Variants in BCAS4 observed in about 807,000 individuals in gnomAD.
BCAS4 encodes the protein breast carcinoma-amplified sequence 4.
In BCAS4, 9 loss-of-function variants were observed where a neutral mutation model predicts 15.7. The observed-to-expected ratio is 0.57, with a 90% CI of 0.34 to 1.00. The LOEUF (loss-of-function observed/expected upper bound fraction) is 1.00, where lower values mean the gene tolerates loss of function less well. Ranked by LOEUF, BCAS4 falls within the 50% of genes least tolerant of loss-of-function variation. The probability of loss-of-function intolerance (pLI) is 0.02; values close to 1 mark genes in which losing one functional copy is unlikely to be tolerated. For synonymous variants in BCAS4, 101 were observed against 99.5 expected, an observed-to-expected ratio of 1.02 and a Z score of -0.09; for missense variants, 225 against 239.1, an observed-to-expected ratio of 0.94 and a Z score of 0.39.
chr20:50,833,593 G>C (rs2088370674), intron 3 of BCAS4, among the ~76,000 whole-genome samples: 1 of 152,220 alleles, frequency 6.6e-6, no homozygotes, highest in South Asian at 2.1e-4. Flanking sequence ...TCAAAGCGCT[G>C]ATCTAGAGCT....
At chr20:50,813,817 A>G (rs2088102828) in intron 1 of BCAS4, among the ~76,000 whole-genome samples, 2 of 149,860 alleles carry the variant, frequency 1.3e-5, no homozygotes, top group African/African-American at 2.5e-5. Flanking sequence ...AGTGAAAACC[A>G]TGATTCGCAG....
At chr20:50,852,228 A>G (rs1188359155) in intron 4 of BCAS4, among the ~76,000 whole-genome samples, 3 of 152,122 alleles carry the variant, frequency 2.0e-5, no homozygotes, top group African/African-American at 7.2e-5. Context: ...CTGAAATTCA[A>G]ACACTCACTG....
At chr20:50,844,932 A>G (rs1009629765) in intron 4 of BCAS4, among the ~76,000 whole-genome samples, 2 of 152,068 alleles carry the variant, frequency 1.3e-5, no homozygotes, top group Non-Finnish European at 2.9e-5. Context: ...TGGCCCCACA[A>G]GGGCTTTGTC....
rs567658959 is a variant in BCAS4, at chr20:50,841,077, G to A, written c.265-689G>A. On this transcript the variant is annotated intron_variant, in intron 3 of 4. Coordinates refer to ENST00000371608, the MANE Select transcript of BCAS4 (RefSeq NM_198799.4). Reference sequence around the variant, plus strand: ...ACTCCTGACCTCAGGTGATCTACCCGCCTCAGCCTCCCAAAGTGCTGGGAT... The same window carrying A: ...ACTCCTGACCTCAGGTGATCTACCCACCTCAGCCTCCCAAAGTGCTGGGAT... 13 of 330,336 alleles carry A rather than the reference G, an allele frequency of 3.9e-5. No individual in the cohort carries two copies. In the East Asian group the frequency reaches 1.0e-3, roughly 26 times the overall value. 20.5% of individuals were successfully genotyped at this position (330,336 alleles called of 1,614,324 possible).
intron 1 of BCAS4, among the ~76,000 whole-genome samples, chr20:50,807,880 A>G (rs1251957303): frequency 1.4e-5 from 2 of 147,836 alleles, no homozygotes; most frequent in South Asian, 2.1e-4. Context: ...CATGGTATCT[A>G]TATGTATATA....
chr20:50,809,777 T>G (rs1483892454), intron 1 of BCAS4, among the ~76,000 whole-genome samples: 1 of 152,210 alleles, frequency 6.6e-6, no homozygotes, highest in Non-Finnish European at 1.5e-5. Context: ...GTCAGTGGTT[T>G]GTTTCATCAG....
chr20:50,840,812 C>T (rs1365880909), intron 3 of BCAS4: 2 of 1,107,310 alleles, frequency 1.8e-6, no homozygotes, highest in Admixed American at 1.7e-5. Flanking sequence ...TGCGTAGTGG[C>T]CACCACTGAG....
At chr20:50,863,317 G>A (rs1979188454) in intron 4 of BCAS4, among the ~76,000 whole-genome samples, 1 of 144,800 alleles carries the variant, frequency 6.9e-6, no homozygotes, top group Non-Finnish European at 1.5e-5. Flanking sequence ...GAGTACAGTG[G>A]TGCAGTCTTG....
At chr20:50,807,939 G>T (rs555195908) in intron 1 of BCAS4, among the ~76,000 whole-genome samples, 1 of 129,398 alleles carries the variant, frequency 7.7e-6, no homozygotes, top group Non-Finnish European at 1.5e-5. Context: ...CGGGAGTCTC[G>T]CTCTCTTACC....
intron 4 of BCAS4, among the ~76,000 whole-genome samples, chr20:50,853,669 ATTTTGTGTACTGGGGGGTG>A (rs1978573644): frequency 4.7e-4 from 4 of 8,482 alleles, no homozygotes; most frequent in East Asian, 3.5e-3. Flanking sequence ...TGTGGGGACC[ATTTTGTGTACTGGGGGGTG>A]TTTTGTGTAC....
chr20:50,811,393 T>C (rs2088061063), intron 1 of BCAS4, among the ~76,000 whole-genome samples: 1 of 152,142 alleles, frequency 6.6e-6, no homozygotes. Context: ...ATATAATTCA[T>C]GTATAAATGT....
At chr20:50,873,573 T>C (rs1440908791) in intron 4 of BCAS4, among the ~76,000 whole-genome samples, 4 of 152,216 alleles carry the variant, frequency 2.6e-5, no homozygotes, top group African/African-American at 9.7e-5. Flanking sequence ...AAGGTGAAAT[T>C]CCACACCTGT....
chr20:50,830,484 C>T, intron 3 of BCAS4, 104 bp downstream of exon 3: 2 of 855,402 alleles, frequency 2.3e-6, no homozygotes, highest in Non-Finnish European at 3.6e-6. Context: ...GCATTATGCC[C>T]AATGCAGGGG....
chr20:50,859,446 G>A (rs1031718245), intron 4 of BCAS4, among the ~76,000 whole-genome samples: 1 of 151,872 alleles, frequency 6.6e-6, no homozygotes, highest in South Asian at 2.1e-4. Context: ...GCCCTGTAAG[G>A]AAGGGAAAGG....
chr20:50,881,115 C>T (rs1980109326), downstream of BCAS4: 2 of 152,086 alleles, frequency 1.3e-5, no homozygotes, highest in Admixed American at 6.6e-5. Flanking sequence ...TGCCTATAGA[C>T]CCAGCTACTT....
chr20:50,841,145 G>T (rs1046646693), intron 3 of BCAS4, among the ~76,000 whole-genome samples: 2 of 152,150 alleles, frequency 1.3e-5, no homozygotes, highest in Non-Finnish European at 2.9e-5. Flanking sequence ...CTTGAAACTG[G>T]CAGCTCTGCA....
At chr20:50,837,781 CT>C (rs1251735473) in intron 3 of BCAS4, among the ~76,000 whole-genome samples, 1 of 152,228 alleles carries the variant, frequency 6.6e-6, no homozygotes, top group East Asian at 1.9e-4. Context: ...GTACACATTC[CT>C]CAGCTTCGCC....
chr20:50,848,034 G>C (rs2088568147), intron 4 of BCAS4, among the ~76,000 whole-genome samples: 1 of 152,032 alleles, frequency 6.6e-6, no homozygotes, highest in African/African-American at 2.4e-5. Context: ...GCAAGACTCT[G>C]TCTCAAACAA....
intron 4 of BCAS4, among the ~76,000 whole-genome samples, chr20:50,875,310 A>G (rs1979867335): frequency 6.6e-6 from 1 of 152,140 alleles, no homozygotes; most frequent in African/African-American, 2.4e-5. Flanking sequence ...GCCAGCGCAC[A>G]GTGAGCGGCT....
Sources: gnomAD v4.1 joint callset for allele counts (sites outside exome capture counted in the v4.1 genomes callset) on GRCh38, gnomAD v4.1.1 for gene constraint, MANE v1.5 for transcripts, NCBI Gene and HGNC (gene_info 2026-07-23, HGNC 2026-07-21) for gene names.